Variants in KCNIP1 observed in about 807,000 individuals in gnomAD.
KCNIP1 encodes potassium voltage-gated channel interacting protein 1, also known as A-type potassium channel modulatory protein KCNIP1.
In KCNIP1, 18 loss-of-function variants were observed where a neutral mutation model predicts 33.0. The ratio of observed to expected loss-of-function variants is 0.55; its 90% CI spans 0.38 to 0.81. The LOEUF (loss-of-function observed/expected upper bound fraction) is 0.81. Ranked by LOEUF, KCNIP1 falls within the 30% of genes least tolerant of loss-of-function variation. The probability of loss-of-function intolerance (pLI) is 0.00; values close to 1 mark genes in which losing one functional copy is unlikely to be tolerated. For synonymous variants in KCNIP1, 93 were observed against 98.3 expected (o/e 0.95, Z 0.32); for missense variants, 238 against 271.6 (o/e 0.88, Z 0.87).
intron 1 of KCNIP1, among the ~76,000 whole-genome samples, chr5:170,436,835 C>A (rs1430206121): frequency 1.3e-5 from 2 of 152,130 alleles, no homozygotes; most frequent in African/African-American, 4.8e-5. Context: ...TTTCCAGGCC[C>A]CATAACAGCC....
At chr5:170,561,730 A>T (rs1233087891) in intron 1 of KCNIP1, among the ~76,000 whole-genome samples, 1 of 152,200 alleles carries the variant, frequency 6.6e-6, no homozygotes, top group Non-Finnish European at 1.5e-5. Flanking sequence ...TAGTCTATTC[A>T]GTTCAATACA....
At chr5:170,526,948 C>T (rs1755597102) in intron 1 of KCNIP1, among the ~76,000 whole-genome samples, 1 of 152,122 alleles carries the variant, frequency 6.6e-6, no homozygotes, top group African/African-American at 2.4e-5. Flanking sequence ...GTCTTGAATT[C>T]CTGACCTCAG....
intron 1 of KCNIP1, among the ~76,000 whole-genome samples, chr5:170,605,054 C>G (rs1029367117): frequency 6.6e-6 from 1 of 152,216 alleles, no homozygotes; most frequent in East Asian, 1.9e-4. Context: ...CAGTGAAAGG[C>G]CTGGGCTTCG....
intron 1 of KCNIP1, among the ~76,000 whole-genome samples, chr5:170,409,154 G>C (rs1467783484): frequency 1.3e-5 from 2 of 152,202 alleles, no homozygotes; most frequent in African/African-American, 2.4e-5. Flanking sequence ...GCAGATCCAG[G>C]ATGTGAACAC....
chr5:170,446,361 T>G (rs1456549636), intron 1 of KCNIP1, among the ~76,000 whole-genome samples: 1 of 152,022 alleles, frequency 6.6e-6, no homozygotes, highest in Non-Finnish European at 1.5e-5. Flanking sequence ...TTGAGAAGTC[T>G]GAGCTCAAGT....
At chr5:170,394,866 G>T (rs948077058) in intron 1 of KCNIP1, among the ~76,000 whole-genome samples, 4 of 152,094 alleles carry the variant, frequency 2.6e-5, no homozygotes, top group Non-Finnish European at 5.9e-5. Flanking sequence ...TTCTGTTTCC[G>T]CATTAATTTG....
At chr5:170,355,057 G>T (rs1728894447) in intron 1 of KCNIP1, among the ~76,000 whole-genome samples, 1 of 152,244 alleles carries the variant, frequency 6.6e-6, no homozygotes, top group Non-Finnish European at 1.5e-5. Flanking sequence ...CCACCCAGCG[G>T]GTCTGGCCCA....
chr5:170,420,663 G>GA (rs1202880032), intron 1 of KCNIP1: 1 of 152,184 alleles, frequency 6.6e-6, no homozygotes, highest in Non-Finnish European at 1.5e-5. Flanking sequence ...AGTTTCTGGG[G>GA]AATCAAAGGT....
chr5:170,572,483 G>A (rs376970932), intron 1 of KCNIP1, among the ~76,000 whole-genome samples: 7 of 152,124 alleles, frequency 4.6e-5, no homozygotes, highest in South Asian at 2.1e-4. Context: ...AAACCCCAGC[G>A]CCAAAGGAAA....
intron 1 of KCNIP1, chr5:170,376,913 A>T (rs75740160): frequency 1.7e-4 from 26 of 152,340 alleles, no homozygotes; most frequent in East Asian, 1.3e-3. Context: ...AACAAAAAAA[A>T]CTATAGTTGC....
chr5:170,581,080 C>T (rs1277991724), intron 1 of KCNIP1, among the ~76,000 whole-genome samples: 1 of 152,152 alleles, frequency 6.6e-6, no homozygotes, highest in African/African-American at 2.4e-5. Flanking sequence ...CCTTGATAAA[C>T]CTAAAGGTAG....
chr5:170,570,730 G>A (rs1406428654), intron 1 of KCNIP1, among the ~76,000 whole-genome samples: 1 of 152,256 alleles, frequency 6.6e-6, no homozygotes, highest in African/African-American at 2.4e-5. Context: ...GGCACTGACT[G>A]GGGAGGGCTC....
intron 1 of KCNIP1, among the ~76,000 whole-genome samples, chr5:170,676,716 T>C (rs913600559): frequency 2.0e-5 from 3 of 152,122 alleles, no homozygotes; most frequent in African/African-American, 7.2e-5. Flanking sequence ...TGCACATGTG[T>C]TTTCAGATAA....
At chr5:170,468,579 T>G (rs2113127491) in intron 1 of KCNIP1, among the ~76,000 whole-genome samples, 1 of 152,272 alleles carries the variant, frequency 6.6e-6, no homozygotes, top group South Asian at 2.1e-4. Flanking sequence ...AGTTTTTTTA[T>G]TATTTAAAAA....
intron 1 of KCNIP1, among the ~76,000 whole-genome samples, chr5:170,534,830 AT>A (rs35557233): frequency 0.25 from 36,545 of 144,664 alleles, 5,675 homozygotes; most frequent in African/African-American, 0.46. Context: ...CCCGGCATAG[AT>A]TTTTTTTTTT....
intron 1 of KCNIP1, among the ~76,000 whole-genome samples, chr5:170,532,709 G>T (rs1414834332): frequency 6.6e-6 from 1 of 152,048 alleles, no homozygotes; most frequent in Admixed American, 6.6e-5. Context: ...TCTTAGACCT[G>T]CCCCCCATGC....
intron 1 of KCNIP1, among the ~76,000 whole-genome samples, chr5:170,505,831 C>A (rs1336697713): frequency 6.6e-6 from 1 of 152,090 alleles, no homozygotes; most frequent in Non-Finnish European, 1.5e-5. Context: ...ATCTTAGGTG[C>A]TGAAGCTGGG....
chr5:170,424,977 C>T (rs947747137), intron 1 of KCNIP1, among the ~76,000 whole-genome samples: 5 of 152,176 alleles, frequency 3.3e-5, no homozygotes, highest in Non-Finnish European at 7.3e-5. Context: ...CTGGAACCAT[C>T]CTCCTCAGAC....
At chr5:170,598,892 TGTGTGTGTGCGC>T (rs1173233696) in intron 1 of KCNIP1, among the ~76,000 whole-genome samples, 1 of 2,846 alleles carries the variant, frequency 3.5e-4, no homozygotes, top group Admixed American at 8.1e-3. Flanking sequence ...AGCCCCGCTG[TGTGTGTGTGCGC>T]GTGTGTGTGT....
Sources: gnomAD v4.1 joint callset for allele counts (sites outside exome capture counted in the v4.1 genomes callset) on GRCh38, gnomAD v4.1.1 for gene constraint, MANE v1.5 for transcripts, NCBI Gene and HGNC (gene_info 2026-07-23, HGNC 2026-07-21) for gene names.